The following BCL2L11 variants were observed in gnomAD, a reference collection of about 807,000 sequenced individuals.
The protein encoded by BCL2L11 is bcl-2-like protein 11.
A neutral mutation model predicts 20.6 loss-of-function variants in BCL2L11; 15 were observed. The observed-to-expected ratio is 0.73, with a 90% CI of 0.49 to 1.12. The LOEUF (loss-of-function observed/expected upper bound fraction) is 1.12. Among genes scored for constraint, BCL2L11 ranks in the 50% most tolerant of loss-of-function variants. BCL2L11 has a pLI of 0.00. For missense variants in BCL2L11, 292 were observed against 260.9 expected (o/e 1.12, Z -0.82); for synonymous variants, 108 against 92.8 (o/e 1.16, Z -0.94).
chr2:111,143,800 C>T (rs2076158582), intron 2 of BCL2L11, among the ~76,000 whole-genome samples: 1 of 152,200 alleles, frequency 6.6e-6, no homozygotes, highest in Non-Finnish European at 1.5e-5. Flanking sequence ...ATATGTGTGT[C>T]GGGGACAGCT....
At chr2:111,126,814 C>A (rs1382963749) in intron 2 of BCL2L11, among the ~76,000 whole-genome samples, 3 of 152,172 alleles carry the variant, frequency 2.0e-5, no homozygotes, top group South Asian at 2.1e-4. Context: ...ACTAGTGGAA[C>A]ACAAATGTGA....
intron 1 of BCL2L11, chr2:111,122,558 G>T: frequency 2.1e-6 from 2 of 965,088 alleles, no homozygotes; most frequent in Non-Finnish European, 2.5e-6. Flanking sequence ...CGGACCAATT[G>T]GGAACGCGGG....
At chr2:111,135,983 G>T (rs1281442927) in intron 2 of BCL2L11, among the ~76,000 whole-genome samples, 2 of 152,200 alleles carry the variant, frequency 1.3e-5, no homozygotes, top group Admixed American at 1.3e-4. Flanking sequence ...ACACCATCTG[G>T]TGGTGGAATC....
intron 3 of BCL2L11, among the ~76,000 whole-genome samples, chr2:111,158,804 C>G (rs1219084021): frequency 1.3e-5 from 2 of 152,184 alleles, no homozygotes; most frequent in African/African-American, 2.4e-5. Context: ...AACTGTGGCT[C>G]TCTTACAGCA....
intron 2 of BCL2L11, among the ~76,000 whole-genome samples, chr2:111,136,185 G>A (rs1575007280): frequency 6.6e-6 from 1 of 152,186 alleles, no homozygotes; most frequent in East Asian, 1.9e-4. Context: ...TGGCGATGGA[G>A]AACAGGCCTC....
At position 111,141,800 on chromosome 2, in the gene BCL2L11, G is replaced by A. The variant is rs1029603006; in HGVS notation, c.395-8244G>A. Among the ~76,000 whole-genome samples the A allele has an allele frequency of 1.5e-4, 22 of 151,340 alleles. 1 individual carries two copies. Among genetic ancestry groups the A allele is most frequent in the African/African-American group, 4.4e-4 (18 of 41,172 alleles). On this transcript the variant is annotated intron_variant, in intron 2 of 3. Transcript: ENST00000393256. ...TGCAATCTCCGCCTCCCAGGTTCAC[G>A]CGATTCTCCTGCCTCAGCCTCCTGA...
At position 111,149,340 on chromosome 2, in the gene BCL2L11, TCTC is replaced by T. The variant is rs1425617103; in HGVS notation, c.395-701_395-699del. Among the ~76,000 whole-genome samples the T allele has an allele frequency of 3.3e-5, 5 of 152,332 alleles. No individual in the cohort carries two copies. The Middle Eastern group carries it at 0.01, about 311-fold the overall frequency. On this transcript the variant is annotated intron_variant, in intron 2 of 3. Transcript: ENST00000393256. ...TGAAAGGGCAGTCCTCCCTCTTTCT[TCTC>T]CTTTCAAAAATGCCTTTGCTCTTAG...
chr2:111,142,189 C>T, intron 2 of BCL2L11: 2 of 801,532 alleles, frequency 2.5e-6, no homozygotes, highest in Non-Finnish European at 4.2e-6. Flanking sequence ...TTCTTTACAT[C>T]CTTAACTTGC....
At chr2:111,161,713 G>T (rs2078569974) in intron 3 of BCL2L11, among the ~76,000 whole-genome samples, 1 of 152,186 alleles carries the variant, frequency 6.6e-6, no homozygotes. Context: ...CATCTTGGAT[G>T]TGCTACCCTG....
At chr2:111,130,496 T>C (rs1240153228) in intron 2 of BCL2L11, among the ~76,000 whole-genome samples, 5 of 152,266 alleles carry the variant, frequency 3.3e-5, no homozygotes, top group Non-Finnish European at 7.3e-5. Flanking sequence ...GCTGAACTCC[T>C]TAATTCTAAG....
chr2:111,133,294 G>C (rs546061724), intron 2 of BCL2L11, among the ~76,000 whole-genome samples: 5 of 152,304 alleles, frequency 3.3e-5, no homozygotes, highest in Non-Finnish European at 7.4e-5. Context: ...AAACCAAGCA[G>C]CCATGTCTCA....
In BCL2L11 at chr2:111,150,189, C is replaced by A. The variant is rs771499991; in HGVS notation, c.498+42C>A. 3 of 1,597,768 alleles carry A rather than the reference C, an allele frequency of 1.9e-6. No individual in the cohort carries two copies. In the African/African-American group the frequency reaches 4.0e-5, roughly 21 times the overall value. ...TACCCGCTTTTCTGCTCACACCCTCCCCTTCCACACTATATTTTTTTAAAA... is the reference window on the plus strand; with the variant it reads ...TACCCGCTTTTCTGCTCACACCCTCACCTTCCACACTATATTTTTTTAAAA... On this transcript the variant is annotated intron_variant, in intron 3 of 3. Coordinates refer to ENST00000393256, the MANE Select transcript of BCL2L11 (RefSeq NM_138621.5).
intron 2 of BCL2L11, among the ~76,000 whole-genome samples, chr2:111,134,289 T>A (rs1559036317): frequency 6.6e-6 from 1 of 152,300 alleles, no homozygotes; most frequent in Non-Finnish European, 1.5e-5. Context: ...TTCGTTTTGA[T>A]ATGTTTATGG....
intron 2 of BCL2L11, among the ~76,000 whole-genome samples, chr2:111,143,099 A>T (rs999212993): frequency 6.6e-6 from 1 of 152,120 alleles, no homozygotes; most frequent in African/African-American, 2.4e-5. Context: ...TTTTGGGATT[A>T]TTTTTGTTTT....
chr2:111,146,509 G>A (rs901247923), intron 2 of BCL2L11, among the ~76,000 whole-genome samples: 5 of 152,094 alleles, frequency 3.3e-5, no homozygotes, highest in Non-Finnish European at 5.9e-5. Flanking sequence ...CAAACCCCAC[G>A]GGCTCCAGGC....
intron 2 of BCL2L11, chr2:111,144,548 G>T (rs1406312757): frequency 6.5e-7 from 1 of 1,549,266 alleles, no homozygotes; most frequent in Non-Finnish European, 8.7e-7. Context: ...ACATAAGGGG[G>T]CTGGTCTGTT....
intron 1 of BCL2L11, 120 bp from the exon 2 acceptor site, chr2:111,123,613 A>G (rs2071756177): frequency 4.9e-6 from 6 of 1,224,066 alleles, no homozygotes; most frequent in Middle Eastern, 2.8e-4. Flanking sequence ...TCAGAAAAGT[A>G]TAGAACAAAG....
At chr2:111,123,177 C>T (rs912247374) in intron 1 of BCL2L11, 2 of 985,352 alleles carry the variant, frequency 2.0e-6, no homozygotes, top group Admixed American at 6.1e-5. Flanking sequence ...AGCGCCAGAG[C>T]CGGGCCGAGC....
intron 3 of BCL2L11, among the ~76,000 whole-genome samples, chr2:111,155,321 G>A (rs781473929): frequency 4.7e-4 from 72 of 152,110 alleles, no homozygotes; most frequent in Non-Finnish European, 7.1e-4. Context: ...CTTCAGTAGC[G>A]GTTGCCAGTT....
Sources: allele counts gnomAD v4.1 joint callset (sites outside exome capture counted in the v4.1 genomes callset), GRCh38; gene constraint gnomAD v4.1.1; transcripts MANE v1.5; gene names NCBI Gene and HGNC (gene_info 2026-07-23, HGNC 2026-07-21).